Variants in ARHGEF10 observed in about 807,000 individuals in gnomAD.
ARHGEF10 encodes the protein Rho guanine nucleotide exchange factor 10, also known as Rho guanine nucleotide exchange factor (GEF) 10.
A neutral mutation model predicts 147.4 loss-of-function variants in ARHGEF10; 140 were observed. The observed-to-expected ratio is 0.95, with a 90% confidence interval of 0.83 to 1.09. The LOEUF (loss-of-function observed/expected upper bound fraction) is 1.09. Among genes scored for constraint, ARHGEF10 ranks in the 50% least tolerant of loss-of-function variants. The pLI is 0.00. For missense variants in ARHGEF10, 2,222 were observed against 1,752.7 expected, an observed-to-expected ratio of 1.27 and a Z score of -4.78; for synonymous variants, 902 against 695.8, an observed-to-expected ratio of 1.30 and a Z score of -4.67.
chr8:1,908,492 A>G (rs912771324), intron 17 of ARHGEF10, among the ~76,000 whole-genome samples: 3 of 152,148 alleles, frequency 2.0e-5, no homozygotes, highest in African/African-American at 7.2e-5. Context: ...TTGGCCTCCC[A>G]AAGTGCTGGG....
intron 26 of ARHGEF10, among the ~76,000 whole-genome samples, chr8:1,942,334 C>T (rs566839334): frequency 2.0e-5 from 3 of 151,140 alleles, no homozygotes; most frequent in South Asian, 2.1e-4. Flanking sequence ...GATGTACAGT[C>T]GACCCATAGG....
intron 18 of ARHGEF10, among the ~76,000 whole-genome samples, chr8:1,909,940 C>T (rs1183621856): frequency 6.6e-6 from 1 of 152,182 alleles, no homozygotes; most frequent in Non-Finnish European, 1.5e-5. Flanking sequence ...GGAGGCAGTG[C>T]TTGTCCATGA....
intron 1 of ARHGEF10, among the ~76,000 whole-genome samples, chr8:1,842,811 C>T (rs1195928668): frequency 2.6e-5 from 4 of 152,188 alleles, no homozygotes; most frequent in African/African-American, 9.7e-5. Flanking sequence ...GAAGTGTAGA[C>T]AAGAATCACA....
At position 1,860,123 on chromosome 8, in the gene ARHGEF10, C is replaced by CCTCCTGCTG; in HGVS notation, c.422_430dup (p.Leu141_Leu143dup). The CCTCCTGCTG allele has an allele frequency of 6.2e-7, 1 of 1,614,052 alleles. No homozygotes were observed. Among genetic ancestry groups the CCTCCTGCTG allele is most frequent in the Non-Finnish European group, 8.5e-7 (1 of 1,180,000 alleles). On this transcript the variant is annotated inframe_insertion, in exon 4 of 29. Transcript: ENST00000349830. Reference sequence around the variant, plus strand: ...GCTATGCGGTGCCCTCCAACCTGCCCCTCCTGCTGCCCGCCTACTCCAGCC... The same window carrying CCTCCTGCTG: ...GCTATGCGGTGCCCTCCAACCTGCCCCTCCTGCTGCTCCTGCTGCCCGCCTACTCCAGCC...
At chr8:1,863,973 G>A (rs924419234) in intron 4 of ARHGEF10, among the ~76,000 whole-genome samples, 2 of 152,014 alleles carry the variant, frequency 1.3e-5, no homozygotes, top group African/African-American at 2.4e-5. Context: ...AGTCACAGCC[G>A]TGGCTCCTGT....
intron 1 of ARHGEF10, among the ~76,000 whole-genome samples, chr8:1,839,852 G>A (rs1488669918): frequency 6.7e-6 from 1 of 148,976 alleles, no homozygotes; most frequent in East Asian, 2.0e-4. Flanking sequence ...TGTGGAAGCT[G>A]TCTGGTGTGG....
chr8:1,826,179 GT>G, intron 1 of ARHGEF10: 1 of 1,523,166 alleles, frequency 6.6e-7, no homozygotes, highest in Non-Finnish European at 8.9e-7. Context: ...TAATTCATTA[GT>G]TGTAGACAGT....
At chr8:1,909,838 G>C (rs1201792601) in intron 18 of ARHGEF10, among the ~76,000 whole-genome samples, 1 of 152,154 alleles carries the variant, frequency 6.6e-6, no homozygotes. Context: ...GGAAGTCATA[G>C]AGCTTGAGGC....
intron 10 of ARHGEF10, among the ~76,000 whole-genome samples, chr8:1,883,020 G>C (rs567372281): frequency 2.0e-5 from 3 of 152,298 alleles, no homozygotes; most frequent in Admixed American, 2.0e-4. Context: ...GGCTGTGCAG[G>C]GGCCTCTGTC....
chr8:1,942,455 C>G (rs1048363497), intron 26 of ARHGEF10, among the ~76,000 whole-genome samples: 2 of 151,686 alleles, frequency 1.3e-5, no homozygotes, highest in Admixed American at 6.6e-5. Context: ...TTAGTGGAGC[C>G]AGCACGCACT....
chr8:1,864,407 TTC>T lies in ARHGEF10; in HGVS notation c.520_521del (p.Leu174GlufsTer9). On this transcript the variant is annotated frameshift_variant, in exon 5 of 29. Transcript: ENST00000349830. LOFTEE classifies it high-confidence loss of function. ...AAGTCACAGAAGATCGCCAGCCCAA[TTC>T]TCTGAGTTCCGAGGAGCCTCCAACC... The part of the protein sequence containing the change: ...PEVTEDRQPN[S>X]LSSEEPPTSE... 1.2e-6 allele frequency: 2 copies of T among 1,614,160 alleles called. No homozygotes were observed.
At chr8:1,911,167 T>C (rs1200213384) in intron 18 of ARHGEF10, among the ~76,000 whole-genome samples, 1 of 152,244 alleles carries the variant, frequency 6.6e-6, no homozygotes, top group Non-Finnish European at 1.5e-5. Flanking sequence ...TATGCCACAT[T>C]GGAGAGTAAA....
intron 18 of ARHGEF10, among the ~76,000 whole-genome samples, chr8:1,914,296 G>C (rs986443733): frequency 6.6e-6 from 1 of 152,224 alleles, no homozygotes; most frequent in African/African-American, 2.4e-5. Flanking sequence ...GTGTGGCCAA[G>C]TGGCCGTTCT....
intron 19 of ARHGEF10, 127 bp from the exon 20 acceptor site, chr8:1,923,341 C>CT (rs1251277358): frequency 7.0e-7 from 1 of 1,428,692 alleles, no homozygotes; most frequent in African/African-American, 1.4e-5. Context: ...CCAAAGCTTT[C>CT]TTTTTCATAA....
chr8:1,957,195 C>T lies in ARHGEF10; in HGVS notation c.3967C>T (p.Arg1323Trp), dbSNP rs201516531. Residue 1323 changes from arginine (R) to tryptophan (W), a missense_variant, in exon 29 of 29, where the codon CGG (arginine) becomes TGG (tryptophan). Physicochemically the swap from Arg to Trp is moderately radical, Grantham distance 101. Coordinates refer to ENST00000349830, the MANE Select transcript of ARHGEF10 (RefSeq NM_014629.4). ...CCACCGCCGGGTGCACAGGAAGGCC[C>T]GGCAGCCCCACCAGGAAGAGCTGGC... The part of the protein sequence containing the change: ...QGHRRVHRKA[R>W]QPHQEELAPT... The T allele has an allele frequency of 7.3e-5, 118 of 1,612,332 alleles. No individual in the cohort carries two copies. Among genetic ancestry groups the T allele is most frequent in the Non-Finnish European group, 8.8e-5 (104 of 1,179,946 alleles).
In ARHGEF10 at chr8:1,909,461, G is replaced by GCGAAACCAAGTAAGTGATGCTTTCTCT; in HGVS notation, c.2136_2143+19dup. 1 of 1,614,030 alleles carries GCGAAACCAAGTAAGTGATGCTTTCTCT rather than the reference G, an allele frequency of 6.2e-7. No individual in the cohort carries two copies. The highest frequency in any genetic ancestry group is 1.1e-5 in the South Asian group (1 of 91,086). ...GGAGAGCCTGGCCGTGGTTGCTAAC[G>GCGAAACCAAGTAAGTGATGCTTTCTCT]CGAAACCAAGTAAGTGATGCTTTCT... On this transcript the variant is annotated stop_gained and inframe_insertion, in exon 18 of 29. Coordinates refer to ENST00000349830, the MANE Select transcript of ARHGEF10 (RefSeq NM_014629.4). LOFTEE classifies it high-confidence loss of function.
chr8:1,885,325 C>G (rs189092768), intron 10 of ARHGEF10, among the ~76,000 whole-genome samples: 464 of 152,266 alleles, frequency 3.0e-3, no homozygotes, highest in Non-Finnish European at 4.9e-3. Context: ...AATATTGCCA[C>G]TTTGCTATCT....
rs776418700 is a variant in ARHGEF10, at chr8:1,857,976, T to C, written c.54T>C (p.Tyr18=). ...PPAPAENEMK[Y]DTNNNEEEEG... Reference sequence around the variant, plus strand: ...TCTTTTTAGAAAATGAAATGAAATATGATACCAATAATAATGAAGAGGAAG... The same window carrying C: ...TCTTTTTAGAAAATGAAATGAAATACGATACCAATAATAATGAAGAGGAAG... The change falls in exon 3 of 29, where the codon TAT becomes TAC. Residue 18 remains tyrosine (Y), a synonymous_variant. Transcript: ENST00000349830. The C allele has an allele frequency of 7.4e-6, 12 of 1,613,862 alleles. No homozygotes were observed. In the South Asian group the frequency reaches 1.2e-4, roughly 16 times the overall value.
chr8:1,849,431 A>G (rs1804821246), intron 2 of ARHGEF10, among the ~76,000 whole-genome samples: 1 of 149,428 alleles, frequency 6.7e-6, no homozygotes, highest in African/African-American at 2.5e-5. Flanking sequence ...CAGAGGGCAA[A>G]TGCTGAGGAG....
Sources: allele counts gnomAD v4.1 joint callset (sites outside exome capture counted in the v4.1 genomes callset), GRCh38; gene constraint gnomAD v4.1.1; transcripts MANE v1.5; gene names NCBI Gene and HGNC (gene_info 2026-07-23, HGNC 2026-07-21).